PCSK2: variants seen among roughly 807,000 people sequenced by gnomAD.
PCSK2 encodes proprotein convertase subtilisin/kexin type 2.
In PCSK2, 14 loss-of-function variants were observed where a neutral mutation model predicts 69.7. The ratio of observed to expected loss-of-function variants is 0.20; its 90% CI spans 0.13 to 0.31. The LOEUF (loss-of-function observed/expected upper bound fraction) is 0.31. PCSK2 is among the 10% of genes least tolerant of loss of function. The pLI is 1.00. For synonymous variants in PCSK2, 307 were observed against 320.7 expected (o/e 0.96, Z 0.46); for missense variants, 544 against 842.5 (o/e 0.65, Z 4.39).
At chr20:17,274,742 G>A (rs1987995510) in intron 2 of PCSK2, among the ~76,000 whole-genome samples, 1 of 152,034 alleles carries the variant, frequency 6.6e-6, no homozygotes, top group South Asian at 2.1e-4. Context: ...AAAAAATCTT[G>A]AGCCAAATAA....
At chr20:17,468,046 T>C (rs11697888) in intron 11 of PCSK2, among the ~76,000 whole-genome samples, 1 of 150,556 alleles carries the variant, frequency 6.6e-6, no homozygotes, top group Non-Finnish European at 1.5e-5. Context: ...ATAGATGGGC[T>C]GCCTACCATA....
At chr20:17,384,278 A>G (rs545507169) in intron 5 of PCSK2, among the ~76,000 whole-genome samples, 2 of 152,208 alleles carry the variant, frequency 1.3e-5, no homozygotes, top group Admixed American at 1.3e-4. Context: ...TTAAGTGACT[A>G]CATACTATTT....
intron 7 of PCSK2, among the ~76,000 whole-genome samples, chr20:17,436,375 A>G (rs1247094624): frequency 1.3e-5 from 2 of 152,194 alleles, no homozygotes; most frequent in Non-Finnish European, 2.9e-5. Context: ...GCCAACACCC[A>G]GTTCTCTGAG....
chr20:17,427,430 C>G (rs756266212), intron 6 of PCSK2, among the ~76,000 whole-genome samples: 2 of 152,128 alleles, frequency 1.3e-5, no homozygotes, highest in Non-Finnish European at 2.9e-5. Context: ...CATTTGGACA[C>G]CCCAGCAGCC....
At chr20:17,291,740 A>T (rs1346207612) in intron 2 of PCSK2, among the ~76,000 whole-genome samples, 1 of 152,186 alleles carries the variant, frequency 6.6e-6, no homozygotes, top group Non-Finnish European at 1.5e-5. Flanking sequence ...ACAGCAGCAT[A>T]AACAGATAAG....
intron 6 of PCSK2, among the ~76,000 whole-genome samples, chr20:17,417,398 C>T (rs2032023877): frequency 6.6e-6 from 1 of 151,664 alleles, no homozygotes; most frequent in Non-Finnish European, 1.5e-5. Context: ...AAGCATGATC[C>T]CCATGCCTTA....
chr20:17,461,007 T>A (rs1227677895), intron 10 of PCSK2, among the ~76,000 whole-genome samples: 1 of 152,062 alleles, frequency 6.6e-6, no homozygotes, highest in Non-Finnish European at 1.5e-5. Context: ...GCTTTAAGCA[T>A]TAGGATGCCT....
chr20:17,441,629 CAAGAG>C (rs1231958321), intron 8 of PCSK2, among the ~76,000 whole-genome samples: 1 of 152,074 alleles, frequency 6.6e-6, no homozygotes, highest in African/African-American at 2.4e-5. Flanking sequence ...TGGTGGCAGA[CAAGAG>C]AAGAGAGCTT....
chr20:17,295,932 G>C (rs919627138), intron 2 of PCSK2, among the ~76,000 whole-genome samples: 2 of 152,192 alleles, frequency 1.3e-5, no homozygotes, highest in Non-Finnish European at 2.9e-5. Flanking sequence ...CCTCAAGCAA[G>C]CTGATAGCAG....
chr20:17,276,445 AAC>A (rs58766799), intron 2 of PCSK2, among the ~76,000 whole-genome samples: 12,170 of 146,844 alleles, frequency 0.083, 551 homozygotes, highest in African/African-American at 0.12. Context: ...TTTTAAATTC[AAC>A]ACACACACAC....
intron 2 of PCSK2, among the ~76,000 whole-genome samples, chr20:17,290,291 T>C (rs958921421): frequency 2.6e-5 from 4 of 152,238 alleles, no homozygotes; most frequent in African/African-American, 9.6e-5. Flanking sequence ...TTGTCATCTT[T>C]TGGGAAGTGC....
intron 2 of PCSK2, among the ~76,000 whole-genome samples, chr20:17,331,023 C>CG (rs1990192214): frequency 6.6e-6 from 1 of 152,178 alleles, no homozygotes; most frequent in African/African-American, 2.4e-5. Context: ...ACAAGGGAAG[C>CG]TGGGTAAGCA....
intron 5 of PCSK2, among the ~76,000 whole-genome samples, chr20:17,383,946 A>G (rs187126095): frequency 1.3e-5 from 2 of 152,364 alleles, no homozygotes; most frequent in East Asian, 3.9e-4. Flanking sequence ...TTAAATGCAA[A>G]TGAATCTTAT....
intron 2 of PCSK2, among the ~76,000 whole-genome samples, chr20:17,283,244 A>G (rs1369505648): frequency 2.0e-5 from 3 of 152,218 alleles, no homozygotes; most frequent in Non-Finnish European, 4.4e-5. Flanking sequence ...AGGTAGATAA[A>G]TGAATAGATA....
intron 5 of PCSK2, among the ~76,000 whole-genome samples, chr20:17,371,187 C>T (rs1241311249): frequency 1.3e-5 from 2 of 152,164 alleles, no homozygotes; most frequent in African/African-American, 2.4e-5. Flanking sequence ...TAGCATAACC[C>T]CACAAAGGCC....
intron 8 of PCSK2, among the ~76,000 whole-genome samples, chr20:17,451,570 T>A (rs2032822909): frequency 1.3e-5 from 2 of 152,176 alleles, no homozygotes; most frequent in African/African-American, 4.8e-5. Context: ...GACTGATGTT[T>A]GGAACTGATA....
rs139974255 is a variant in PCSK2, at chr20:17,401,280, G to C, written c.544-7983G>C. On this transcript the variant is annotated intron_variant, in intron 5 of 11. Transcript: ENST00000262545. ...ATTTATAAGCAACAGAAATCTATTG[G>C]CTACAGTTCTGGAGACCAGAATTCC... Among the ~76,000 whole-genome samples, 111 of 152,258 alleles carry C rather than the reference G, an allele frequency of 7.3e-4. 1 individual carries two copies. In the East Asian group the frequency reaches 0.019, roughly 27 times the overall value.
At chr20:17,438,692 C>G (rs1167431723) in intron 8 of PCSK2, among the ~76,000 whole-genome samples, 2 of 152,134 alleles carry the variant, frequency 1.3e-5, no homozygotes, top group African/African-American at 2.4e-5. Flanking sequence ...CACAGTGGGC[C>G]CTCTCACGAA....
At chr20:17,274,220 A>T (rs148441298) in intron 2 of PCSK2, among the ~76,000 whole-genome samples, 28 of 152,284 alleles carry the variant, frequency 1.8e-4, no homozygotes, top group African/African-American at 6.5e-4. Flanking sequence ...ACTCATGTTT[A>T]TAATTGTATT....
Sources: allele counts gnomAD v4.1 joint callset (sites outside exome capture counted in the v4.1 genomes callset), GRCh38; gene constraint gnomAD v4.1.1; transcripts MANE v1.5; gene names NCBI Gene and HGNC (gene_info 2026-07-23, HGNC 2026-07-21).